ATRNL1: variants seen among roughly 807,000 people sequenced by gnomAD.
The protein encoded by ATRNL1 is attractin like 1, also known as attractin-like protein 1.
ATRNL1 carries 95 observed loss-of-function variants against 182.7 expected under a neutral mutation model. The ratio of observed to expected loss-of-function variants is 0.52; its 90% CI spans 0.44 to 0.62. The LOEUF is 0.62. Among genes scored for constraint, ATRNL1 ranks in the 20% least tolerant of loss-of-function variants. The pLI, the probability that ATRNL1 is intolerant of heterozygous loss-of-function variation, is 0.00. For missense variants in ATRNL1, 1,471 were observed against 1,679.5 expected (o/e 0.88, Z 2.17); for synonymous variants, 576 against 568.3 (o/e 1.01, Z -0.19).
At chr10:115,925,009 ATTG>A (rs1953180599) in intron 28 of ATRNL1, among the ~76,000 whole-genome samples, 1 of 152,104 alleles carries the variant, frequency 6.6e-6, no homozygotes, top group Non-Finnish European at 1.5e-5. Flanking sequence ...CTTTGTAGCA[ATTG>A]TGAATGGGAG....
At chr10:115,580,035 A>G (rs781895172) in intron 26 of ATRNL1, among the ~76,000 whole-genome samples, 4 of 152,022 alleles carry the variant, frequency 2.6e-5, no homozygotes, top group Non-Finnish European at 4.4e-5. Flanking sequence ...TGATGTCACA[A>G]TTTACAACTT....
At chr10:115,777,569 A>G (rs1017625190) in intron 27 of ATRNL1, among the ~76,000 whole-genome samples, 12 of 152,196 alleles carry the variant, frequency 7.9e-5, no homozygotes, top group Non-Finnish European at 1.3e-4. Context: ...GTATTTTAAG[A>G]TAAGTTTTAC....
intron 5 of ATRNL1, among the ~76,000 whole-genome samples, chr10:115,156,971 G>C (rs1846550790): frequency 6.6e-6 from 1 of 152,042 alleles, no homozygotes. Flanking sequence ...CGGGGAGAGA[G>C]GGATGACGAG....
At chr10:115,385,532 A>C (rs891488560) in intron 19 of ATRNL1, among the ~76,000 whole-genome samples, 10 of 152,110 alleles carry the variant, frequency 6.6e-5, no homozygotes, top group Admixed American at 6.5e-4. Context: ...TTTTATTAAG[A>C]GTATCTTCTT....
intron 26 of ATRNL1, among the ~76,000 whole-genome samples, chr10:115,673,729 T>C (rs1555042110): frequency 2.6e-5 from 4 of 152,088 alleles, no homozygotes; most frequent in Non-Finnish European, 2.9e-5. Flanking sequence ...TAATGTGACT[T>C]TGCTCCTTCC....
chr10:115,630,071 A>G (rs1310856875), intron 26 of ATRNL1, among the ~76,000 whole-genome samples: 2 of 152,232 alleles, frequency 1.3e-5, no homozygotes, highest in Non-Finnish European at 2.9e-5. Context: ...TTGCCTGTAT[A>G]TGGTGTCATA....
At chr10:115,432,093 A>G (rs924456442) in intron 21 of ATRNL1, among the ~76,000 whole-genome samples, 13 of 152,188 alleles carry the variant, frequency 8.5e-5, no homozygotes, top group Non-Finnish European at 1.8e-4. Context: ...GTAAAAGAAA[A>G]TGAGTAAAAT....
intron 19 of ATRNL1, among the ~76,000 whole-genome samples, chr10:115,381,405 TACAGGCAC>T (rs1857989184): frequency 6.8e-6 from 1 of 146,610 alleles, no homozygotes; most frequent in South Asian, 2.2e-4. Flanking sequence ...TAGCTGGGAC[TACAGGCAC>T]ATGCCACCAT....
chr10:115,429,790 G>C lies in ATRNL1; in HGVS notation c.3322+3488G>C, dbSNP rs556962488. 1.3e-3 allele frequency among the ~76,000 whole-genome samples: 197 copies of C among 151,980 alleles called. 1 individual carries two copies. Among genetic ancestry groups the C allele is most frequent in the African/African-American group, 4.4e-3 (184 of 41,444 alleles). On this transcript the variant is annotated intron_variant, in intron 21 of 28. Transcript: ENST00000355044. ...AGTTTTTAAAAATTATTTTCTGGCCGGGCGCTGTGGCTCACACCTGTAATC... is the reference window on the plus strand; with the variant it reads ...AGTTTTTAAAAATTATTTTCTGGCCCGGCGCTGTGGCTCACACCTGTAATC...
chr10:115,247,413 T>A (rs566524345), intron 10 of ATRNL1, among the ~76,000 whole-genome samples: 1 of 152,160 alleles, frequency 6.6e-6, no homozygotes. Flanking sequence ...AAATAACCAA[T>A]AATATATGAC....
intron 26 of ATRNL1, among the ~76,000 whole-genome samples, chr10:115,559,816 TATATC>T (rs1453619251): frequency 6.6e-6 from 1 of 152,150 alleles, no homozygotes; most frequent in Non-Finnish European, 1.5e-5. Context: ...TTAAATCACT[TATATC>T]AGGAACAAGT....
chr10:115,586,552 C>T (rs370530627), intron 26 of ATRNL1, among the ~76,000 whole-genome samples: 3,197 of 98,682 alleles, frequency 0.032, 545 homozygotes, highest in African/African-American at 0.086. Flanking sequence ...GCATCGGCTC[C>T]TGAGGCTTCT....
intron 9 of ATRNL1, among the ~76,000 whole-genome samples, chr10:115,231,224 C>T (rs1338481013): frequency 6.6e-6 from 1 of 152,052 alleles, no homozygotes; most frequent in Admixed American, 6.6e-5. Context: ...AGGAGGAAAA[C>T]TGGGAGAATA....
At chr10:115,388,988 A>G (rs1056223892) in intron 19 of ATRNL1, among the ~76,000 whole-genome samples, 1 of 152,136 alleles carries the variant, frequency 6.6e-6, no homozygotes. Flanking sequence ...TATTCTGTCC[A>G]GTAGATTACT....
chr10:115,897,634 C>T (rs1555112808), intron 28 of ATRNL1, among the ~76,000 whole-genome samples: 1 of 152,138 alleles, frequency 6.6e-6, no homozygotes, highest in Non-Finnish European at 1.5e-5. Context: ...AAGGGACAGG[C>T]ACTCTCGGCT....
intron 27 of ATRNL1, among the ~76,000 whole-genome samples, chr10:115,747,991 C>T (rs1555069629): frequency 6.6e-6 from 1 of 151,920 alleles, no homozygotes; most frequent in African/African-American, 2.4e-5. Flanking sequence ...AAAGACTTCA[C>T]CTGATAACAC....
chr10:115,848,054 A>G (rs1555099447), intron 28 of ATRNL1, 63 bp downstream of exon 28: 4 of 900,402 alleles, frequency 4.4e-6, no homozygotes, highest in Non-Finnish European at 7.4e-6. Context: ...GAAGAAATAA[A>G]CAATACCACT....
At chr10:115,595,326 G>A (rs533730082) in intron 26 of ATRNL1, among the ~76,000 whole-genome samples, 4 of 151,940 alleles carry the variant, frequency 2.6e-5, no homozygotes, top group East Asian at 1.9e-4. Flanking sequence ...ATAAAATTAC[G>A]AGTTTTCAAC....
intron 10 of ATRNL1, among the ~76,000 whole-genome samples, chr10:115,259,022 G>T (rs2133864806): frequency 6.6e-6 from 1 of 152,272 alleles, no homozygotes; most frequent in Non-Finnish European, 1.5e-5. Context: ...ACCTGTATGA[G>T]GTGTCGGTCA....
Sources: gnomAD v4.1 joint callset for allele counts (sites outside exome capture counted in the v4.1 genomes callset) on GRCh38, gnomAD v4.1.1 for gene constraint, MANE v1.5 for transcripts, NCBI Gene and HGNC (gene_info 2026-07-23, HGNC 2026-07-21) for gene names.